Variants in TEF observed in about 807,000 individuals in gnomAD.
TEF encodes TEF transcription factor, PAR bZIP family member.
A neutral mutation model predicts 20.8 loss-of-function variants in TEF; 3 were observed. The observed-to-expected ratio is 0.14, with a 90% confidence interval of 0.07 to 0.37. TEF has a LOEUF of 0.37. Among genes scored for constraint, TEF ranks in the 10% least tolerant of loss-of-function variants. TEF has a pLI of 1.00. For missense variants in TEF, 296 were observed against 397.9 expected (o/e 0.74, Z 2.18); for synonymous variants, 180 against 171.1 (o/e 1.05, Z -0.41).
At chr22:41,367,743 G>A in intron 1 of TEF, 1 of 747,594 alleles carries the variant, frequency 1.3e-6, no homozygotes, top group South Asian at 1.8e-5. Context: ...AGGGTGCAGA[G>A]TGCGGAGAGG....
At chr22:41,369,241 C>T in intron 1 of TEF, 1 of 985,422 alleles carries the variant, frequency 1.0e-6, no homozygotes, top group Non-Finnish European at 1.2e-6. Context: ...TGGGGCCCTG[C>T]AATAGCCGAA....
upstream of TEF, among the ~76,000 whole-genome samples, chr22:41,378,793 C>T (rs1019505099): frequency 6.6e-6 from 1 of 152,070 alleles, no homozygotes; most frequent in Non-Finnish European, 1.5e-5. Flanking sequence ...TAATCAGTTT[C>T]CTTGGAATGT....
intron 1 of TEF, among the ~76,000 whole-genome samples, chr22:41,368,380 G>A (rs750993815): frequency 7.2e-5 from 11 of 152,098 alleles, no homozygotes; most frequent in Non-Finnish European, 1.6e-4. Flanking sequence ...AGTCTGACTT[G>A]AGCACCTGGG....
chr22:41,381,347 A>C (rs1442364465), upstream of TEF, among the ~76,000 whole-genome samples: 1 of 136,866 alleles, frequency 7.3e-6, no homozygotes, highest in Non-Finnish European at 1.6e-5. Flanking sequence ...CGCCTCGTGC[A>C]CCGCCCCGGG....
chr22:41,369,374 C>T, intron 1 of TEF: 1 of 549,258 alleles, frequency 1.8e-6, no homozygotes, highest in Non-Finnish European at 2.3e-6. Context: ...GTTAGTCCAG[C>T]ATGGCTGGGC....
upstream of TEF, chr22:41,377,331 G>GC (rs1227237490): frequency 6.6e-6 from 1 of 152,194 alleles, no homozygotes; most frequent in East Asian, 1.9e-4. Context: ...TCACTATGTT[G>GC]CCCAGGCTGG....
rs1204026966 is a variant in TEF at position 41,396,645 on chromosome 22, C to T, written c.*685C>T. ...ATGGCTCTGAGGCCATCGGCTGTCT[C>T]TGCATTTCATTGGCTGTGGAGGAGA... On this transcript the variant is annotated 3_prime_UTR_variant, in exon 4 of 4. Coordinates refer to ENST00000266304, the MANE Select transcript of TEF (RefSeq NM_003216.4). 5 of 303,288 alleles carry T rather than the reference C, an allele frequency of 1.6e-5. No homozygotes were observed. The allele number at this position is 303,288 out of a possible 1,614,324, so 18.8% of individuals were successfully genotyped here.
intron 2 of TEF, among the ~76,000 whole-genome samples, chr22:41,391,809 G>A (rs953583161): frequency 6.6e-6 from 1 of 152,192 alleles, no homozygotes. Flanking sequence ...TTTTAGTAGA[G>A]ACGGGGTTTC....
chr22:41,388,252 C>G (rs1481741315), intron 2 of TEF, among the ~76,000 whole-genome samples: 1 of 152,030 alleles, frequency 6.6e-6, no homozygotes, highest in Non-Finnish European at 1.5e-5. Context: ...CCCGCCTCAG[C>G]CTCCCAAAGT....
At chr22:41,386,349 G>A (rs1217070199) in intron 1 of TEF, among the ~76,000 whole-genome samples, 2 of 152,344 alleles carry the variant, frequency 1.3e-5, no homozygotes, top group East Asian at 3.9e-4. Context: ...GCTGAGGCAG[G>A]AGAATCGCTT....
At position 41,396,028 on chromosome 22, in the gene TEF, C is replaced by G. The variant is rs932332105; in HGVS notation, c.*68C>G. ...CCTCTGCCTGGGGGCTCCCTGTAAC[C>G]CCTCACACGCGTGGAGACTTATGAC... On this transcript the variant is annotated 3_prime_UTR_variant, in exon 4 of 4. Transcript: ENST00000266304. The G allele has an allele frequency of 6.6e-7, 1 of 1,518,058 alleles. No individual in the cohort carries two copies. Among genetic ancestry groups the G allele is most frequent in the Non-Finnish European group, 9.0e-7 (1 of 1,113,042 alleles). The allele number at this position is 1,518,058 out of a possible 1,614,324, so 94.0% of individuals were successfully genotyped here.
chr22:41,370,096 CTTTCT>C (rs1000275310), intron 1 of TEF: 8 of 984,772 alleles, frequency 8.1e-6, no homozygotes, highest in African/African-American at 7.0e-5. Context: ...TCTCACTCCA[CTTTCT>C]TTTATTTTCT....
rs1601827133 is a variant in TEF, at chr22:41,395,994, C to T, written c.*34C>T. The T allele has an allele frequency of 5.0e-6, 8 of 1,587,662 alleles. No individual in the cohort carries two copies. The South Asian group carries it at 9.0e-5, about 18-fold the overall frequency. On this transcript the variant is annotated 3_prime_UTR_variant, in exon 4 of 4. Transcript: ENST00000266304. ...CCCCGCCCGGGCGGGGTACTGCCTG[C>T]ACCTCAGACCTCTGCCTGGGGGCTC... is the stretch of plus-strand genomic sequence containing the variant.
intron 3 of TEF, among the ~76,000 whole-genome samples, chr22:41,394,942 G>A (rs540469297): frequency 1.2e-3 from 179 of 152,306 alleles, no homozygotes; most frequent in Middle Eastern, 6.8e-3. Context: ...ATGATGTGAT[G>A]ATCATGGTGA....
At position 41,382,177 on chromosome 22, in the gene TEF, A is replaced by T. The variant is rs904940958; in HGVS notation, c.133A>T (p.Asn45Tyr). ...CCTGGTCCTGAAGAAGCTGATGGAG[A>T]ACCCCCCGCGCGAGGCGCGCCTCGG... is the stretch of plus-strand genomic sequence containing the variant. ...FPLVLKKLME[N>Y]PPREARLDKE... is the part of the protein sequence containing the mutation. The change falls in exon 1 of 4, where the codon AAC becomes TAC. Residue 45 changes from asparagine (N) to tyrosine (Y), a missense_variant. Physicochemically the swap from Asn to Tyr is moderately radical, Grantham distance 143 (BLOSUM62 -2). This residue lies in a region of TEF where 102 missense variants were observed against 80.1 expected (regional missense o/e 1.27). Coordinates refer to ENST00000266304, the MANE Select transcript of TEF (RefSeq NM_003216.4). 4 of 1,237,814 alleles carry T rather than the reference A, an allele frequency of 3.2e-6. No homozygotes were observed. The highest frequency in any genetic ancestry group is 4.0e-6 in the Non-Finnish European group (4 of 992,034). 76.7% of individuals were successfully genotyped at this position (1,237,814 alleles called of 1,614,324 possible). A position where few individuals can be genotyped will look rare whatever the true frequency, so the allele number is the denominator to read the frequency against.
Position 41,399,205 on chromosome 22 carries a change from C to A in TEF, c.*3245C>A, listed in dbSNP as rs1033273056. 6.6e-6 allele frequency: 1 copy of A among 152,618 alleles called. No homozygotes were observed. The highest frequency in any genetic ancestry group is 2.4e-5 in the African/African-American group (1 of 41,452). The allele number at this position is 152,618 out of a possible 1,614,324, so 9.5% of individuals were successfully genotyped here. A position where few individuals can be genotyped will look rare whatever the true frequency, so the allele number is the denominator to read the frequency against. On this transcript the variant is annotated 3_prime_UTR_variant, in exon 4 of 4. Transcript: ENST00000266304. Reference sequence around the variant, plus strand: ...GAGAGGGCAGAAGCAGACCGTAGCCCATTGGCCTTATGTGCGTGTGTGCGT... The same window carrying A: ...GAGAGGGCAGAAGCAGACCGTAGCCAATTGGCCTTATGTGCGTGTGTGCGT...
intron 2 of TEF, among the ~76,000 whole-genome samples, chr22:41,391,197 C>G (rs757491107): frequency 7.9e-5 from 12 of 152,176 alleles, no homozygotes; most frequent in South Asian, 2.1e-4. Context: ...CATGCCACAC[C>G]TCTGCCCAGA....
chr22:41,381,693 C>G (rs1028676163), upstream of TEF, among the ~76,000 whole-genome samples: 3 of 152,122 alleles, frequency 2.0e-5, no homozygotes, highest in Non-Finnish European at 4.4e-5. Context: ...AGGCGCCAAT[C>G]AGGGGACACA....
intron 2 of TEF, among the ~76,000 whole-genome samples, chr22:41,390,495 CTTTTTTT>C (rs11358311): frequency 1.2e-5 from 1 of 80,364 alleles, no homozygotes; most frequent in East Asian, 4.5e-4. Context: ...TCATTGTCAT[CTTTTTTT>C]TTTTTTTTTT....
Sources: gnomAD v4.1 joint callset for allele counts (sites outside exome capture counted in the v4.1 genomes callset) on GRCh38, gnomAD v4.1.1 for gene constraint, gnomAD v4.1.1 regional missense constraint, MANE v1.5 for transcripts, NCBI Gene and HGNC (gene_info 2026-07-23, HGNC 2026-07-21) for gene names.